NFIB: variants seen among roughly 807,000 people sequenced by gnomAD.
The protein encoded by NFIB is nuclear factor 1 B-type.
In NFIB, 11 loss-of-function variants were observed where a neutral mutation model predicts 61.5. The ratio of observed to expected loss-of-function variants is 0.18; its 90% confidence interval spans 0.11 to 0.30. The LOEUF (loss-of-function observed/expected upper bound fraction) is 0.30. NFIB is among the 10% of genes least tolerant of loss of function. The pLI is 1.00. For missense variants in NFIB, 471 were observed against 608.9 expected, an observed-to-expected ratio of 0.77 and a Z score of 2.38; for synonymous variants, 260 against 216.5, an observed-to-expected ratio of 1.20 and a Z score of -1.76.
At chr9:14,354,256 A>G (rs762851548) in intron 1 of NFIB, among the ~76,000 whole-genome samples, 14 of 152,336 alleles carry the variant, frequency 9.2e-5, no homozygotes, top group South Asian at 6.2e-4. Flanking sequence ...ATAAAAAAAT[A>G]GCTCTTTTGA....
In NFIB at chr9:14,086,150, A is replaced by C. The variant is rs775093506; in HGVS notation, c.*2159T>G. On this transcript the variant is annotated 3_prime_UTR_variant, in exon 11 of 11. Coordinates refer to ENST00000380953, the MANE Select transcript of NFIB (RefSeq NM_001190737.2). The stretch of plus-strand genomic sequence containing the variant: ...ACCTGTGTAAGTTGAAGTTTGTCAC[A>C]GTAGGCAGAACAGTCGCTTTGCAGC... 11 of 224,316 alleles carry C rather than the reference A, an allele frequency of 4.9e-5. No individual in the cohort carries two copies. The highest frequency in any genetic ancestry group is 9.8e-5 in the Non-Finnish European group (11 of 112,134). The allele number at this position is 224,316 out of a possible 1,614,324, so 13.9% of individuals were successfully genotyped here.
At chr9:14,464,611 CA>C in the NFIB span, among the ~76,000 whole-genome samples, 1 of 152,120 alleles carries the variant, frequency 6.6e-6, no homozygotes, top group African/African-American at 2.4e-5. Context: ...GAATTGGCCT[CA>C]GGGGTGAGAG....
At chr9:14,413,505 G>A in the NFIB span, among the ~76,000 whole-genome samples, 1 of 152,070 alleles carries the variant, frequency 6.6e-6, no homozygotes, top group Admixed American at 6.6e-5. Context: ...AGAGAGTTTT[G>A]CTTTTCTGAG....
chr9:14,506,264 A>G, the NFIB span, among the ~76,000 whole-genome samples: 1 of 152,128 alleles, frequency 6.6e-6, no homozygotes, highest in African/African-American at 2.4e-5. Context: ...GAGATTGCCC[A>G]CAGAGGGTTT....
At chr9:14,182,038 G>C (rs2046837215) in intron 2 of NFIB, among the ~76,000 whole-genome samples, 1 of 152,200 alleles carries the variant, frequency 6.6e-6, no homozygotes, top group South Asian at 2.1e-4. Context: ...CCATTCGTAA[G>C]AAACTATCCA....
chr9:14,272,170 C>T (rs568992588), intron 2 of NFIB, among the ~76,000 whole-genome samples: 46 of 152,106 alleles, frequency 3.0e-4, no homozygotes, highest in Non-Finnish European at 6.0e-4. Context: ...TTTGAACAAA[C>T]TTAAAATAGC....
chr9:14,280,009 A>G (rs1447123975), intron 2 of NFIB, among the ~76,000 whole-genome samples: 2 of 152,156 alleles, frequency 1.3e-5, no homozygotes, highest in East Asian at 1.9e-4. Context: ...TATTAACTTG[A>G]TCCAAGATGG....
At chr9:14,279,758 C>A (rs1396721949) in intron 2 of NFIB, among the ~76,000 whole-genome samples, 1 of 152,138 alleles carries the variant, frequency 6.6e-6, no homozygotes, top group South Asian at 2.1e-4. Flanking sequence ...GTTGAAGAGG[C>A]CATCTCAGAC....
intron 1 of NFIB, among the ~76,000 whole-genome samples, chr9:14,338,811 A>T (rs553010820): frequency 2.5e-4 from 37 of 150,182 alleles, no homozygotes; most frequent in African/African-American, 9.1e-4. Flanking sequence ...CCATCCATCT[A>T]TCTATCCATC....
intron 2 of NFIB, among the ~76,000 whole-genome samples, chr9:14,246,084 G>C (rs1033841677): frequency 1.3e-5 from 2 of 151,256 alleles, no homozygotes; most frequent in Non-Finnish European, 2.9e-5. Context: ...CTGAGAATTA[G>C]AGAGGAAAAG....
chr9:14,496,449 T>C, the NFIB span, among the ~76,000 whole-genome samples: 1 of 152,178 alleles, frequency 6.6e-6, no homozygotes, highest in East Asian at 1.9e-4. Flanking sequence ...TGGAGCATTT[T>C]GGATTTCAGA....
the NFIB span, among the ~76,000 whole-genome samples, chr9:14,410,534 C>T: frequency 6.6e-6 from 1 of 152,056 alleles, no homozygotes; most frequent in Non-Finnish European, 1.5e-5. Flanking sequence ...CTGGTAACCT[C>T]CTAAAAATAA....
chr9:14,290,647 C>T (rs771337121), intron 2 of NFIB, among the ~76,000 whole-genome samples: 5 of 152,018 alleles, frequency 3.3e-5, no homozygotes, highest in African/African-American at 4.8e-5. Flanking sequence ...TTATTTTACT[C>T]ATTCTTAACA....
the NFIB span, among the ~76,000 whole-genome samples, chr9:14,524,310 C>A: frequency 6.6e-6 from 1 of 152,054 alleles, no homozygotes; most frequent in East Asian, 1.9e-4. Context: ...AGCATAGAAA[C>A]GTATCAAATG....
At chr9:14,414,582 G>C in the NFIB span, among the ~76,000 whole-genome samples, 2 of 144,090 alleles carry the variant, frequency 1.4e-5, no homozygotes, top group East Asian at 4.0e-4. Context: ...TGGTGTTTCA[G>C]CTTCCTTGTC....
intron 1 of NFIB, among the ~76,000 whole-genome samples, chr9:14,350,630 G>A (rs1436412198): frequency 1.3e-5 from 2 of 152,132 alleles, no homozygotes; most frequent in African/African-American, 4.8e-5. Flanking sequence ...GGGGCTTTAG[G>A]GGGAGATGTA....
intron 1 of NFIB, among the ~76,000 whole-genome samples, chr9:14,398,114 G>A (rs571654346): frequency 6.6e-6 from 1 of 152,218 alleles, no homozygotes; most frequent in South Asian, 2.1e-4. Context: ...AGGGCTTAGA[G>A]TGGGGTAAAA....
At chr9:14,461,942 T>C in the NFIB span, among the ~76,000 whole-genome samples, 1 of 152,202 alleles carries the variant, frequency 6.6e-6, no homozygotes, top group Non-Finnish European at 1.5e-5. Flanking sequence ...CAGATGGGTC[T>C]CGTATACACA....
chr9:14,469,328 C>T, the NFIB span, among the ~76,000 whole-genome samples: 1 of 152,160 alleles, frequency 6.6e-6, no homozygotes, highest in Non-Finnish European at 1.5e-5. Flanking sequence ...GTGGGTTTCA[C>T]AAACTTCTCT....
Sources: gnomAD v4.1 joint callset for allele counts (sites outside exome capture counted in the v4.1 genomes callset) on GRCh38, gnomAD v4.1.1 for gene constraint, MANE v1.5 for transcripts, NCBI Gene and HGNC (gene_info 2026-07-23, HGNC 2026-07-21) for gene names.